SLC25A13: variants seen among roughly 807,000 people sequenced by gnomAD.
SLC25A13 encodes the protein electrogenic aspartate/glutamate antiporter SLC25A13, mitochondrial.
Under a neutral mutation model 85.5 loss-of-function variants are expected in SLC25A13, and 70 were observed. That is an observed-to-expected ratio of 0.82 (90% CI 0.68 to 1.00). SLC25A13 has a LOEUF of 1.00. Ranked by LOEUF, SLC25A13 falls within the 50% of genes least tolerant of loss-of-function variation. SLC25A13 has a pLI of 0.00. For synonymous variants in SLC25A13, 259 were observed against 288.7 expected (o/e 0.90, Z 1.04); for missense variants, 765 against 819.8 (o/e 0.93, Z 0.82).
chr7:96,306,776 A>T, intron 1 of SLC25A13: 1 of 1,224,752 alleles, frequency 8.2e-7, no homozygotes, highest in Non-Finnish European at 1.2e-6. Context: ...TTGCCCTCTG[A>T]TACCTCCTAG....
intron 2 of SLC25A13, among the ~76,000 whole-genome samples, chr7:96,290,619 G>T (rs900202588): frequency 1.3e-5 from 2 of 151,130 alleles, no homozygotes; most frequent in Non-Finnish European, 2.9e-5. Context: ...AAAAGGCAGG[G>T]GTTGCAATCT....
intron 3 of SLC25A13, among the ~76,000 whole-genome samples, chr7:96,246,446 C>T (rs891520509): frequency 6.6e-5 from 10 of 151,522 alleles, no homozygotes; most frequent in Non-Finnish European, 1.2e-4. Flanking sequence ...TATTCTAAAA[C>T]GAACAAAAGG....
chr7:96,296,987 A>G, intron 1 of SLC25A13, 36 bp from the exon 2 acceptor site: 2 of 1,559,346 alleles, frequency 1.3e-6, no homozygotes, highest in Non-Finnish European at 1.8e-6. Flanking sequence ...TGTTATTACA[A>G]CAAAGCTGAG....
chr7:96,283,948 T>G (rs947640653), intron 2 of SLC25A13: 18 of 152,280 alleles, frequency 1.2e-4, no homozygotes, highest in African/African-American at 4.3e-4. Context: ...ACTAATCAAA[T>G]TTAACGTATT....
chr7:96,135,858 GT>G (rs57884645), intron 14 of SLC25A13, among the ~76,000 whole-genome samples: 1,459 of 132,958 alleles, frequency 0.011, 8 homozygotes, highest in Middle Eastern at 0.025. Context: ...TCCTGCTTTG[GT>G]TTTTTTTTTT....
chr7:96,247,263 T>G lies in SLC25A13; in HGVS notation c.213-12346A>C, dbSNP rs530936180. On this transcript the variant is annotated intron_variant, in intron 3 of 17. Coordinates refer to ENST00000265631, the MANE Select transcript of SLC25A13 (RefSeq NM_014251.3). Reference sequence around the variant, plus strand: ...ATTAACATGAACTTCAATATACTACTTAGATAGAGTCATTTTACCCATGTA... The same window carrying G: ...ATTAACATGAACTTCAATATACTACGTAGATAGAGTCATTTTACCCATGTA... Among the ~76,000 whole-genome samples the G allele has an allele frequency of 2.8e-4, 42 of 152,294 alleles. No individual in the cohort carries two copies. In the South Asian group the frequency reaches 8.3e-3, roughly 30 times the overall value.
chr7:96,229,369 TGGACCAATCAGCTCTCTGTAAAAC>T (rs1294633661), intron 4 of SLC25A13, among the ~76,000 whole-genome samples: 1 of 151,966 alleles, frequency 6.6e-6, no homozygotes, highest in African/African-American at 2.4e-5. Context: ...TCTGTCAAAA[TGGACCAATCAGCTCTCTGTAAAAC>T]AGACCAATCA....
intron 3 of SLC25A13, among the ~76,000 whole-genome samples, chr7:96,241,104 A>AAGAAAGAAAGGC (rs1222929673): frequency 1.0e-4 from 15 of 145,648 alleles, no homozygotes; most frequent in African/African-American, 3.8e-4. Context: ...GAAAGAAAGA[A>AAGAAAGAAAGGC]AGGCACTTTA....
chr7:96,226,920 A>C (rs1049857341), intron 4 of SLC25A13, among the ~76,000 whole-genome samples: 35 of 152,028 alleles, frequency 2.3e-4, no homozygotes, highest in Non-Finnish European at 5.9e-5. Flanking sequence ...CTCCCTTTGA[A>C]TACCCCTCCC....
intron 5 of SLC25A13, among the ~76,000 whole-genome samples, chr7:96,206,304 C>T (rs140181960): frequency 6.6e-6 from 1 of 152,166 alleles, no homozygotes; most frequent in Non-Finnish European, 1.5e-5. Flanking sequence ...AAGGCGGATA[C>T]CTGCCTGACA....
At chr7:96,262,230 T>G (rs1386846998) in intron 3 of SLC25A13, among the ~76,000 whole-genome samples, 2 of 152,202 alleles carry the variant, frequency 1.3e-5, no homozygotes, top group Non-Finnish European at 2.9e-5. Context: ...TTTAAAATTT[T>G]AGATTTATGT....
rs1438411724 is a variant in SLC25A13, at chr7:96,214,686, GC to G, written c.329-5710del. The stretch of plus-strand genomic sequence containing the variant: ...AGCTTGCAGTGAGTGGAGTGCCACT[GC>G]ACTCCAGCCTGGGTGACAGGGCGAG... On this transcript the variant is annotated intron_variant, in intron 4 of 17. Transcript: ENST00000265631. 2.6e-5 allele frequency among the ~76,000 whole-genome samples: 4 copies of G among 151,952 alleles called. No homozygotes were observed. The East Asian group carries it at 7.8e-4, about 29-fold the overall frequency.
intron 14 of SLC25A13, among the ~76,000 whole-genome samples, chr7:96,136,451 C>T (rs1792290839): frequency 1.3e-5 from 2 of 152,220 alleles, no homozygotes; most frequent in Admixed American, 1.3e-4. Flanking sequence ...ATGAAACTGT[C>T]AATAGATATA....
At chr7:96,255,238 T>C (rs557876588) in intron 3 of SLC25A13, among the ~76,000 whole-genome samples, 1 of 152,212 alleles carries the variant, frequency 6.6e-6, no homozygotes, top group African/African-American at 2.4e-5. Context: ...ATGGCAAATA[T>C]GTAATACTGT....
intron 3 of SLC25A13, among the ~76,000 whole-genome samples, chr7:96,236,015 T>C (rs1796728324): frequency 6.6e-6 from 1 of 152,090 alleles, no homozygotes; most frequent in African/African-American, 2.4e-5. Context: ...AGGAAGAAAA[T>C]AGGAATGGTT....
intron 2 of SLC25A13, among the ~76,000 whole-genome samples, chr7:96,294,953 A>G (rs1323403030): frequency 1.3e-5 from 2 of 152,190 alleles, no homozygotes; most frequent in African/African-American, 2.4e-5. Context: ...TTAAATCATT[A>G]CTTAATTTCA....
intron 6 of SLC25A13, among the ~76,000 whole-genome samples, chr7:96,192,773 T>A (rs1794906810): frequency 6.6e-6 from 1 of 151,848 alleles, no homozygotes; most frequent in Admixed American, 6.6e-5. Flanking sequence ...AAAATTAACA[T>A]GAGATCACAA....
chr7:96,208,608 C>T (rs1298472173), intron 5 of SLC25A13, among the ~76,000 whole-genome samples: 4 of 151,794 alleles, frequency 2.6e-5, no homozygotes, highest in Non-Finnish European at 5.9e-5. Context: ...CAAGTTCACA[C>T]CATTCTCCTG....
intron 2 of SLC25A13, among the ~76,000 whole-genome samples, chr7:96,278,644 T>C (rs186215246): frequency 2.0e-5 from 3 of 152,336 alleles, no homozygotes; most frequent in African/African-American, 7.2e-5. Context: ...ACTCATGTCA[T>C]ATACTTAGCA....
Sources: gnomAD v4.1 joint callset for allele counts (sites outside exome capture counted in the v4.1 genomes callset) on GRCh38, gnomAD v4.1.1 for gene constraint, MANE v1.5 for transcripts, NCBI Gene and HGNC (gene_info 2026-07-23, HGNC 2026-07-21) for gene names.